Variants in ASTN1 observed in about 807,000 individuals in gnomAD.
The protein encoded by ASTN1 is astrotactin-1.
In ASTN1, 41 loss-of-function variants were observed where a neutral mutation model predicts 140.7. The ratio of observed to expected loss-of-function variants is 0.29; its 90% CI spans 0.23 to 0.38. ASTN1 has a LOEUF of 0.38. ASTN1 is among the 10% of genes least tolerant of loss of function. ASTN1 has a pLI of 1.00. For missense variants in ASTN1, 1,479 were observed against 1,678.8 expected (o/e 0.88, Z 2.08); for synonymous variants, 640 against 652.2 (o/e 0.98, Z 0.29).
At chr1:176,919,729 G>A (rs1453405879) in intron 16 of ASTN1, among the ~76,000 whole-genome samples, 1 of 152,236 alleles carries the variant, frequency 6.6e-6, no homozygotes, top group Non-Finnish European at 1.5e-5. Context: ...AATTACCACA[G>A]TAATCGACTA....
At chr1:177,087,915 C>T (rs1039572793) in intron 1 of ASTN1, among the ~76,000 whole-genome samples, 2 of 152,198 alleles carry the variant, frequency 1.3e-5, no homozygotes, top group Non-Finnish European at 2.9e-5. Flanking sequence ...TTGCTGACAC[C>T]GGAGGCTGCT....
intron 11 of ASTN1, among the ~76,000 whole-genome samples, chr1:176,951,349 G>A (rs772283508): frequency 6.6e-6 from 1 of 152,236 alleles, no homozygotes; most frequent in African/African-American, 2.4e-5. Flanking sequence ...AGCACTGTGC[G>A]GCTGCCCAGG....
At chr1:177,080,503 T>A (rs1679128584) in intron 1 of ASTN1, among the ~76,000 whole-genome samples, 1 of 152,216 alleles carries the variant, frequency 6.6e-6, no homozygotes, top group Non-Finnish European at 1.5e-5. Context: ...GTAACTCTTT[T>A]CTGTTAACTG....
At chr1:177,080,259 CAAAAAAA>C (rs11300384) in intron 1 of ASTN1, among the ~76,000 whole-genome samples, 2 of 48,404 alleles carry the variant, frequency 4.1e-5, no homozygotes, top group Non-Finnish European at 7.1e-5. Flanking sequence ...ATCACCAGGC[CAAAAAAA>C]AAAAAAAAAA....
intron 1 of ASTN1, among the ~76,000 whole-genome samples, chr1:177,110,566 A>C (rs1236769997): frequency 3.9e-5 from 6 of 152,204 alleles, no homozygotes; most frequent in Non-Finnish European, 7.3e-5. Flanking sequence ...ACAAAGGGGG[A>C]GGAAATAAAC....
At chr1:177,030,695 G>C in intron 4 of ASTN1, 111 bp downstream of exon 4, 4 of 1,438,054 alleles carry the variant, frequency 2.8e-6, no homozygotes, top group South Asian at 2.8e-5. Flanking sequence ...GGCTGTGCCA[G>C]GGCATACCCT....
chr1:177,112,204 G>C (rs959171153), intron 1 of ASTN1, among the ~76,000 whole-genome samples: 3 of 152,212 alleles, frequency 2.0e-5, no homozygotes, highest in Non-Finnish European at 4.4e-5. Context: ...GGGTCACTTA[G>C]GTGTTTGCAT....
intron 1 of ASTN1, among the ~76,000 whole-genome samples, chr1:177,083,247 T>C (rs760158464): frequency 3.3e-5 from 5 of 152,094 alleles, no homozygotes; most frequent in Admixed American, 2.0e-4. Flanking sequence ...TCTAGGGCCA[T>C]ATGTTTTTGG....
chr1:177,112,829 T>A (rs2102158874), intron 1 of ASTN1, among the ~76,000 whole-genome samples: 1 of 152,266 alleles, frequency 6.6e-6, no homozygotes, highest in South Asian at 2.1e-4. Flanking sequence ...TTCAAGTCAG[T>A]CTGTTATGCC....
At chr1:176,985,213 C>A (rs891150550) in intron 8 of ASTN1, among the ~76,000 whole-genome samples, 1 of 152,198 alleles carries the variant, frequency 6.6e-6, no homozygotes, top group Non-Finnish European at 1.5e-5. Context: ...CATGAAAAGT[C>A]TTTTCCTATG....
chr1:176,918,507 A>G (rs964459912), intron 16 of ASTN1, among the ~76,000 whole-genome samples: 1 of 152,054 alleles, frequency 6.6e-6, no homozygotes, highest in Non-Finnish European at 1.5e-5. Flanking sequence ...AGTAACTGGC[A>G]CTTCTACATC....
intron 1 of ASTN1, among the ~76,000 whole-genome samples, chr1:177,144,877 G>A (rs370839935): frequency 1.5e-3 from 224 of 152,206 alleles, no homozygotes; most frequent in African/African-American, 5.1e-3. Flanking sequence ...CGTAAGCCAC[G>A]AGTCCCTAAA....
intron 1 of ASTN1, among the ~76,000 whole-genome samples, chr1:177,160,570 C>T (rs535103369): frequency 1.2e-4 from 18 of 152,268 alleles, no homozygotes. Context: ...AGTAATGAGG[C>T]TGATATAAAA....
At chr1:176,934,492 T>A in intron 15 of ASTN1, 152 bp from the exon 16 acceptor site, 1 of 722,790 alleles carries the variant, frequency 1.4e-6, no homozygotes, top group Non-Finnish European at 2.1e-6. Context: ...TGTTTCCATT[T>A]AGCTAAATGA....
chr1:176,923,387 A>G (rs1481739454), intron 16 of ASTN1, among the ~76,000 whole-genome samples: 2 of 152,204 alleles, frequency 1.3e-5, no homozygotes, highest in Admixed American at 6.5e-5. Flanking sequence ...TACTGGCTCA[A>G]TTGAAACAAA....
chr1:177,093,196 C>T (rs1042245382), intron 1 of ASTN1, among the ~76,000 whole-genome samples: 1 of 152,210 alleles, frequency 6.6e-6, no homozygotes, highest in African/African-American at 2.4e-5. Flanking sequence ...GCATCCCTTT[C>T]ACATTTCAAC....
chr1:177,059,986 C>T (rs1051362403), intron 2 of ASTN1, among the ~76,000 whole-genome samples: 4 of 152,202 alleles, frequency 2.6e-5, no homozygotes, highest in Admixed American at 6.5e-5. Context: ...AGTACAATAT[C>T]AATACATAAA....
chr1:176,920,169 G>A (rs1670667573), intron 16 of ASTN1, among the ~76,000 whole-genome samples: 2 of 152,066 alleles, frequency 1.3e-5, no homozygotes, highest in Non-Finnish European at 1.5e-5. Context: ...ACTTAAACAC[G>A]CTGATGGGCT....
Position 177,009,460 on chromosome 1 carries a change from A to C in ASTN1, c.1523+5331T>G, listed in dbSNP as rs749974814. Among the ~76,000 whole-genome samples the C allele has an allele frequency of 1.9e-4, 29 of 152,346 alleles. No homozygotes were observed. The South Asian group carries it at 2.5e-3, about 13-fold the overall frequency. ...GCCAGTCATGATGAACACAGTCCTC[A>C]TTCTTGGCTTCAAGTGGGAACTGGC... On this transcript the variant is annotated intron_variant, in intron 8 of 22. Coordinates refer to ENST00000361833, the MANE Select transcript of ASTN1 (RefSeq NM_004319.3).
Sources: allele counts gnomAD v4.1 joint callset (sites outside exome capture counted in the v4.1 genomes callset), GRCh38; gene constraint gnomAD v4.1.1; transcripts MANE v1.5; gene names NCBI Gene and HGNC (gene_info 2026-07-23, HGNC 2026-07-21).